Variants in NAV3 observed in about 807,000 individuals in gnomAD.
NAV3 encodes the protein pore membrane and/or filament interacting like protein 1.
A neutral mutation model predicts 244.7 loss-of-function variants in NAV3; 87 were observed. The observed-to-expected ratio is 0.36, with a 90% confidence interval of 0.30 to 0.42. NAV3 has a LOEUF of 0.42. Among genes scored for constraint, NAV3 ranks in the 20% least tolerant of loss-of-function variants. The pLI is 1.00. For synonymous variants in NAV3, 1,126 were observed against 1,042.2 expected (o/e 1.08, Z -1.55); for missense variants, 2,663 against 2,893.3 (o/e 0.92, Z 1.83).
At chr12:77,679,606 C>T (rs1381937116) in intron 2 of NAV3, among the ~76,000 whole-genome samples, 2 of 151,848 alleles carry the variant, frequency 1.3e-5, no homozygotes, top group African/African-American at 4.8e-5. Flanking sequence ...GCTGAAAGGG[C>T]CTACTCAGCA....
intron 2 of NAV3, among the ~76,000 whole-genome samples, chr12:77,611,466 C>A (rs1208483899): frequency 1.1e-4 from 16 of 151,694 alleles, no homozygotes; most frequent in Admixed American, 1.1e-3. Context: ...AAAATATTTT[C>A]TTAAAATATT....
chr12:78,083,981 T>G (rs1443904345), intron 12 of NAV3, among the ~76,000 whole-genome samples: 2 of 152,128 alleles, frequency 1.3e-5, no homozygotes, highest in Non-Finnish European at 2.9e-5. Flanking sequence ...AATCTCAACT[T>G]CAGTTAAAAC....
At chr12:77,909,468 A>T (rs1320241889) in intron 1 of NAV3, among the ~76,000 whole-genome samples, 1 of 152,066 alleles carries the variant, frequency 6.6e-6, no homozygotes. Flanking sequence ...GAAAAGAAAC[A>T]GTATGTTATT....
chr12:77,998,026 T>C (rs2136439541), intron 6 of NAV3, among the ~76,000 whole-genome samples: 1 of 152,346 alleles, frequency 6.6e-6, no homozygotes, highest in Non-Finnish European at 1.5e-5. Context: ...TTCACATAAT[T>C]GTTACAGTAC....
intron 12 of NAV3, among the ~76,000 whole-genome samples, chr12:78,068,873 G>A (rs2137579059): frequency 6.6e-6 from 1 of 151,660 alleles, no homozygotes; most frequent in African/African-American, 2.4e-5. Flanking sequence ...TACTTTTCAT[G>A]ATGAGAGATA....
At chr12:77,728,981 C>A (rs1877005451) in intron 2 of NAV3, among the ~76,000 whole-genome samples, 2 of 151,818 alleles carry the variant, frequency 1.3e-5, no homozygotes, top group African/African-American at 2.4e-5. Context: ...TCCACTTAAC[C>A]AATAGTAAAT....
Position 78,188,283 on chromosome 12 carries a change from T to C in NAV3, c.5826T>C (p.Ile1942=). 6.2e-7 allele frequency: 1 copy of C among 1,611,614 alleles called. No homozygotes were observed. Among genetic ancestry groups the C allele is most frequent in the Non-Finnish European group, 8.5e-7 (1 of 1,178,332 alleles). The change falls in exon 32 of 40, where the codon ATT becomes ATC. Residue 1942 remains isoleucine, a synonymous_variant. Coordinates refer to ENST00000397909, the MANE Select transcript of NAV3 (RefSeq NM_001024383.2). Reference sequence around the variant, plus strand: ...CTCAGGCATATTTGATAGGATCCATTGGTGTTAGTGGAAAAACCAAGTGGG... The same window carrying C: ...CTCAGGCATATTTGATAGGATCCATCGGTGTTAGTGGAAAAACCAAGTGGG... ...QKSQAYLIGS[I]GVSGKTKWDV...
At chr12:77,856,068 A>G (rs534616231) in intron 1 of NAV3, among the ~76,000 whole-genome samples, 8 of 152,302 alleles carry the variant, frequency 5.3e-5, no homozygotes, top group East Asian at 3.9e-4. Context: ...GTAGAGTATT[A>G]TTATCTTCAC....
At chr12:77,586,655 A>T (rs760605169) in intron 2 of NAV3, among the ~76,000 whole-genome samples, 1 of 152,222 alleles carries the variant, frequency 6.6e-6, no homozygotes, top group Non-Finnish European at 1.5e-5. Context: ...CTTGGCAAAG[A>T]TTTGAAAGAT....
intron 1 of NAV3, among the ~76,000 whole-genome samples, chr12:77,894,192 C>G (rs1884294392): frequency 6.6e-6 from 1 of 152,126 alleles, no homozygotes; most frequent in African/African-American, 2.4e-5. Flanking sequence ...TGCCAATTGA[C>G]TAACAAGATA....
At chr12:78,018,944 C>T (rs889594433) in intron 8 of NAV3, among the ~76,000 whole-genome samples, 4 of 151,940 alleles carry the variant, frequency 2.6e-5, no homozygotes, top group Admixed American at 6.6e-5. Context: ...ACTTTAGAAA[C>T]GAATGGGGAG....
intron 18 of NAV3, chr12:78,130,799 C>A: frequency 6.2e-6 from 1 of 162,110 alleles, no homozygotes; most frequent in East Asian, 1.7e-4. Context: ...CATTCTTCTC[C>A]CGATAGCTCC....
chr12:77,855,985 C>A (rs981536325), intron 1 of NAV3, among the ~76,000 whole-genome samples: 1 of 152,188 alleles, frequency 6.6e-6, no homozygotes, highest in African/African-American at 2.4e-5. Flanking sequence ...ATTCGTACTG[C>A]ATTTTCATAA....
chr12:77,864,510 G>C (rs1214605009), intron 1 of NAV3, among the ~76,000 whole-genome samples: 1 of 151,910 alleles, frequency 6.6e-6, no homozygotes, highest in East Asian at 1.9e-4. Flanking sequence ...TATTTATGGA[G>C]CTTTGATGCA....
At chr12:78,150,249 A>G (rs1217434409) in intron 22 of NAV3, among the ~76,000 whole-genome samples, 3 of 152,106 alleles carry the variant, frequency 2.0e-5, no homozygotes, top group African/African-American at 7.2e-5. Context: ...TTTATCTGCA[A>G]TAAGAAAGGC....
intron 21 of NAV3, 123 bp from the exon 22 acceptor site, chr12:78,148,718 GA>G: frequency 1.4e-6 from 1 of 719,724 alleles, no homozygotes; most frequent in Non-Finnish European, 2.3e-6. Context: ...TTATTTTCAG[GA>G]GTTGCTGCTG....
At position 77,928,353 on chromosome 12, in the gene NAV3, G is replaced by C. The variant is rs186684573; in HGVS notation, c.244-11966G>C. 2.0e-5 allele frequency among the ~76,000 whole-genome samples: 3 copies of C among 152,166 alleles called. No homozygotes were observed. In the East Asian group the frequency reaches 5.8e-4, roughly 29 times the overall value. ...TATGGCTTTAAATGAATGCCGAGGG[G>C]TTCTCACAATGATGATCTGGACACG... On this transcript the variant is annotated intron_variant, in intron 1 of 39. Coordinates refer to ENST00000397909, the MANE Select transcript of NAV3 (RefSeq NM_001024383.2).
intron 20 of NAV3, chr12:78,145,088 C>T (rs959882094): frequency 6.5e-6 from 2 of 307,714 alleles, no homozygotes; most frequent in African/African-American, 2.3e-5. Context: ...ACTTTTTATT[C>T]AAAAACCAAA....
intron 11 of NAV3, chr12:78,056,170 A>C (rs770044): frequency 7.6e-4 from 116 of 152,218 alleles, no homozygotes; most frequent in African/African-American, 2.7e-3. Flanking sequence ...TTAAGTCATG[A>C]CTCAGTTCTC....
Sources: allele counts gnomAD v4.1 joint callset (sites outside exome capture counted in the v4.1 genomes callset), GRCh38; gene constraint gnomAD v4.1.1; transcripts MANE v1.5; gene names NCBI Gene and HGNC (gene_info 2026-07-23, HGNC 2026-07-21).